SLC2A9: variants seen among roughly 807,000 people sequenced by gnomAD.
SLC2A9 encodes the protein solute carrier family 2, facilitated glucose transporter member 9.
A neutral mutation model predicts 50.6 loss-of-function variants in SLC2A9; 39 were observed. That is an observed-to-expected ratio of 0.77 (90% CI 0.60 to 1.01). SLC2A9 has a LOEUF of 1.01. SLC2A9 is among the 50% of genes least tolerant of loss of function. The pLI is 0.00. For missense variants in SLC2A9, 686 were observed against 677.6 expected (o/e 1.01, Z -0.14); for synonymous variants, 324 against 276.9 (o/e 1.17, Z -1.69).
At chr4:9,783,366 A>C (rs376052395) in intron 3 of SLC2A9, 1 of 1,614,084 alleles carries the variant, frequency 6.2e-7, no homozygotes, top group African/African-American at 1.3e-5. Flanking sequence ...ACGTCCCCAG[A>C]TGGTGACCCT....
chr4:10,014,253 C>T (rs1238453501), intron 2 of SLC2A9, among the ~76,000 whole-genome samples: 1 of 152,182 alleles, frequency 6.6e-6, no homozygotes, highest in Admixed American at 6.5e-5. Context: ...CTGGGCTGAG[C>T]TCCTCCAGCA....
rs1226431051 is a variant in SLC2A9, at chr4:9,826,527, A to G, written c.1493T>C (p.Val498Ala). 3 of 1,614,120 alleles carry G rather than the reference A, an allele frequency of 1.9e-6. No homozygotes were observed. Among genetic ancestry groups the G allele is most frequent in the African/African-American group, 1.3e-5 (1 of 75,042 alleles). ...CITGAIYLYF[V>A]LPETKNRTYA... ...GGTTCTGTTTTTGGTCTCAGGCAGCACAAAATACAGGTAGATAGCACCTGT... is the reference window on the plus strand; with the variant it reads ...GGTTCTGTTTTTGGTCTCAGGCAGCGCAAAATACAGGTAGATAGCACCTGT... The change falls in exon 12 of 12, where the codon GTG becomes GCG. Residue 498 changes from valine (V) to alanine (A), a missense_variant. By Grantham distance (64) the Val-to-Ala change is moderately conservative. Transcript: ENST00000264784.
intron 1 of SLC2A9, among the ~76,000 whole-genome samples, chr4:10,028,085 T>C (rs1445082282): frequency 6.6e-6 from 1 of 151,976 alleles, no homozygotes; most frequent in Non-Finnish European, 1.5e-5. Flanking sequence ...TCCAGGAGGG[T>C]TTCTGCTGCT....
intron 10 of SLC2A9, among the ~76,000 whole-genome samples, chr4:9,853,216 A>G (rs1730237915): frequency 6.6e-6 from 1 of 152,028 alleles, no homozygotes; most frequent in South Asian, 2.1e-4. Flanking sequence ...CAAGCTTGAT[A>G]AAGAAGCCAG....
At chr4:9,861,889 T>C (rs1395478973) in intron 10 of SLC2A9, among the ~76,000 whole-genome samples, 1 of 152,202 alleles carries the variant, frequency 6.6e-6, no homozygotes, top group East Asian at 1.9e-4. Flanking sequence ...ATCCTTCCTC[T>C]GCTTCAAATC....
intron 3 of SLC2A9, among the ~76,000 whole-genome samples, chr4:9,781,138 C>G (rs1009919216): frequency 2.0e-5 from 3 of 152,136 alleles, no homozygotes; most frequent in African/African-American, 7.2e-5. Context: ...ACACCTCATC[C>G]TAGACGGCTT....
intron 5 of SLC2A9, among the ~76,000 whole-genome samples, chr4:9,970,216 A>G (rs1258111628): frequency 6.6e-6 from 1 of 152,184 alleles, no homozygotes; most frequent in African/African-American, 2.4e-5. Context: ...GTTGAGAAGG[A>G]GCAGCATCGG....
chr4:9,963,945 T>A lies in SLC2A9; in HGVS notation c.681+16647A>T, dbSNP rs372876333. Among the ~76,000 whole-genome samples the A allele has an allele frequency of 3.0e-4, 46 of 152,230 alleles. 2 individuals carry two copies. In the South Asian group the frequency reaches 9.6e-3, roughly 32 times the overall value. On this transcript the variant is annotated intron_variant, in intron 5 of 11. Coordinates refer to ENST00000264784, the MANE Select transcript of SLC2A9 (RefSeq NM_020041.3). ...CACCCAACACGCTTGTTAATTCCAA[T>A]GTGCTGTCTATTGGGCTTAGCTGCT...
chr4:9,857,426 C>T (rs1210651896), intron 10 of SLC2A9, among the ~76,000 whole-genome samples: 1 of 152,200 alleles, frequency 6.6e-6, no homozygotes, highest in Non-Finnish European at 1.5e-5. Flanking sequence ...TGTTCTCCGG[C>T]TCAGACCCTG....
intron 5 of SLC2A9, among the ~76,000 whole-genome samples, chr4:9,943,484 G>A (rs903454708): frequency 6.6e-6 from 1 of 152,158 alleles, no homozygotes; most frequent in Non-Finnish European, 1.5e-5. Flanking sequence ...GCTGTCGGGG[G>A]CCCAGGAGGG....
intron 1 of SLC2A9, 53 bp from the exon 2 acceptor site, chr4:10,019,126 C>T: frequency 2.8e-6 from 4 of 1,450,332 alleles, no homozygotes; most frequent in Admixed American, 3.9e-5. Context: ...CAGCCAGGGC[C>T]GAGGGAAGAC....
At chr4:9,869,623 T>A (rs532694285) in intron 10 of SLC2A9, among the ~76,000 whole-genome samples, 1 of 152,368 alleles carries the variant, frequency 6.6e-6, no homozygotes, top group East Asian at 1.9e-4. Context: ...TGTCAATTAT[T>A]ACTCTTATTT....
At chr4:9,861,966 C>G (rs1024245518) in intron 10 of SLC2A9, among the ~76,000 whole-genome samples, 2 of 152,218 alleles carry the variant, frequency 1.3e-5, no homozygotes, top group African/African-American at 4.8e-5. Context: ...ATGAGATCTT[C>G]TATCCTCCGG....
At chr4:9,784,218 C>T (rs1718912118) in intron 3 of SLC2A9, among the ~76,000 whole-genome samples, 1 of 152,136 alleles carries the variant, frequency 6.6e-6, no homozygotes, top group Non-Finnish European at 1.5e-5. Context: ...TACTTATACC[C>T]ATGTTGGGTC....
chr4:9,771,917 C>T (rs1340406896), intron 1 of SLC2A9, among the ~76,000 whole-genome samples: 1 of 152,038 alleles, frequency 6.6e-6, no homozygotes, highest in Non-Finnish European at 1.5e-5. Flanking sequence ...AAGAGGACAG[C>T]GTTGGAATGG....
chr4:9,792,342 A>AGT (rs1720042870), intron 3 of SLC2A9, among the ~76,000 whole-genome samples: 1 of 143,482 alleles, frequency 7.0e-6, no homozygotes, highest in Non-Finnish European at 1.5e-5. Context: ...ACACCTGGAT[A>AGT]GTTTTTTTTT....
intron 5 of SLC2A9, among the ~76,000 whole-genome samples, chr4:9,958,174 T>G (rs76779802): frequency 0.035 from 5,370 of 152,312 alleles, 320 homozygotes; most frequent in African/African-American, 0.12. Flanking sequence ...ATATCTAGCC[T>G]AACTATCTAC....
chr4:9,918,749 C>T (rs993294937), intron 7 of SLC2A9, among the ~76,000 whole-genome samples: 4 of 152,118 alleles, frequency 2.6e-5, no homozygotes, highest in African/African-American at 9.7e-5. Flanking sequence ...GGTTTGTGTC[C>T]CACTGAGATG....
chr4:9,893,198 C>T (rs1026589314), intron 8 of SLC2A9, among the ~76,000 whole-genome samples: 1 of 152,146 alleles, frequency 6.6e-6, no homozygotes, highest in African/African-American at 2.4e-5. Flanking sequence ...CGAACAAGGG[C>T]ACTGATCACT....
Sources: allele counts gnomAD v4.1 joint callset (sites outside exome capture counted in the v4.1 genomes callset), GRCh38; gene constraint gnomAD v4.1.1; transcripts MANE v1.5; gene names NCBI Gene and HGNC (gene_info 2026-07-23, HGNC 2026-07-21).